The following OSBPL10 variants were observed in gnomAD, a reference collection of about 807,000 sequenced individuals.
The protein encoded by OSBPL10 is oxysterol binding protein like 10.
Under a neutral mutation model 81.7 loss-of-function variants are expected in OSBPL10, and 49 were observed. The observed-to-expected ratio is 0.60, with a 90% confidence interval of 0.48 to 0.76. OSBPL10 has a LOEUF of 0.76. Among genes scored for constraint, OSBPL10 ranks in the 30% least tolerant of loss-of-function variants. The pLI is 0.00. For missense variants in OSBPL10, 923 were observed against 987.8 expected (o/e 0.93, Z 0.88); for synonymous variants, 419 against 383.6 (o/e 1.09, Z -1.08).
chr3:31,678,781 A>C (rs930288339), intron 8 of OSBPL10, among the ~76,000 whole-genome samples: 1 of 99,212 alleles, frequency 1.0e-5, no homozygotes, highest in African/African-American at 4.2e-5. Context: ...ACAGATTCAA[A>C]CTGTGTGTGT....
At chr3:31,700,770 A>G (rs527321283) in intron 7 of OSBPL10, among the ~76,000 whole-genome samples, 1 of 152,354 alleles carries the variant, frequency 6.6e-6, no homozygotes, top group East Asian at 1.9e-4. Context: ...ATCCACAAGA[A>G]TAAAACATGG....
intron 2 of OSBPL10, among the ~76,000 whole-genome samples, chr3:31,878,975 A>C (rs190532490): frequency 3.3e-4 from 51 of 152,258 alleles, no homozygotes; most frequent in Admixed American, 2.0e-3. Context: ...ATCAAATTAC[A>C]CTGCAATTTT....
intron 3 of OSBPL10, among the ~76,000 whole-genome samples, chr3:31,831,127 C>T (rs967389175): frequency 3.9e-5 from 6 of 152,162 alleles, no homozygotes; most frequent in Non-Finnish European, 8.8e-5. Flanking sequence ...AAAAGCTTAG[C>T]CGGGTGCGGT....
At chr3:31,825,832 G>A (rs930269834) in intron 4 of OSBPL10, among the ~76,000 whole-genome samples, 4 of 151,984 alleles carry the variant, frequency 2.6e-5, no homozygotes, top group Non-Finnish European at 5.9e-5. Context: ...AAAATTCTGG[G>A]AACCACTGTC....
At chr3:31,989,139 T>C in intron 2 of OSBPL10, 1 of 1,614,176 alleles carries the variant, frequency 6.2e-7, no homozygotes, top group East Asian at 2.2e-5. Context: ...TGGCTCTTCC[T>C]CAGGGACACT....
intron 8 of OSBPL10, among the ~76,000 whole-genome samples, chr3:31,676,822 T>C (rs1700489214): frequency 6.6e-6 from 1 of 152,130 alleles, no homozygotes. Context: ...GGTGCGAGGT[T>C]GGGAGGGGTG....
At chr3:32,052,821 A>T (rs1366281995) in intron 1 of OSBPL10, among the ~76,000 whole-genome samples, 1 of 152,126 alleles carries the variant, frequency 6.6e-6, no homozygotes, top group Non-Finnish European at 1.5e-5. Context: ...GGGCAAGGGG[A>T]GGGAGAGAAT....
At chr3:31,929,369 T>C (rs1697169668) in intron 1 of OSBPL10, among the ~76,000 whole-genome samples, 1 of 152,140 alleles carries the variant, frequency 6.6e-6, no homozygotes, top group Non-Finnish European at 1.5e-5. Context: ...AATTAACATG[T>C]AAAATATGTG....
intron 7 of OSBPL10, among the ~76,000 whole-genome samples, chr3:31,692,745 C>T (rs1663202334): frequency 6.6e-6 from 1 of 152,182 alleles, no homozygotes; most frequent in South Asian, 2.1e-4. Context: ...ACAACTATTC[C>T]ATTTTACAGA....
At chr3:31,704,800 G>A (rs1217226452) in intron 6 of OSBPL10, 3 of 152,084 alleles carry the variant, frequency 2.0e-5, no homozygotes, top group African/African-American at 7.3e-5. Context: ...GACCTTCGGG[G>A]ACCACACCTC....
At chr3:31,963,901 G>C (rs187563902) in intron 1 of OSBPL10, among the ~76,000 whole-genome samples, 1 of 151,702 alleles carries the variant, frequency 6.6e-6, no homozygotes, top group African/African-American at 2.4e-5. Flanking sequence ...AGCCTCCCGA[G>C]TAGCTGGGAC....
intron 2 of OSBPL10, among the ~76,000 whole-genome samples, chr3:32,032,088 C>A (rs914257564): frequency 6.6e-6 from 1 of 152,022 alleles, no homozygotes; most frequent in Non-Finnish European, 1.5e-5. Flanking sequence ...GAGTTTGAGA[C>A]CAACCTGGGC....
chr3:31,921,768 T>C (rs1261960915), intron 1 of OSBPL10, among the ~76,000 whole-genome samples: 1 of 152,126 alleles, frequency 6.6e-6, no homozygotes, highest in Non-Finnish European at 1.5e-5. Context: ...GAGCACAGTA[T>C]GAAAAGGACA....
At chr3:31,899,381 A>G (rs1431765570) in intron 1 of OSBPL10, among the ~76,000 whole-genome samples, 11 of 151,352 alleles carry the variant, frequency 7.3e-5, no homozygotes, top group Non-Finnish European at 1.2e-4. Context: ...ATATCCTCCA[A>G]AAATACAAGA....
intron 6 of OSBPL10, among the ~76,000 whole-genome samples, chr3:31,726,442 A>C (rs1246072713): frequency 6.6e-6 from 1 of 151,804 alleles, no homozygotes; most frequent in East Asian, 1.9e-4. Context: ...TCAGCCTCCC[A>C]AGTAGCTGGG....
At chr3:31,879,156 A>G (rs1701556927) in intron 2 of OSBPL10, among the ~76,000 whole-genome samples, 4 of 152,174 alleles carry the variant, frequency 2.6e-5, no homozygotes, top group Admixed American at 2.6e-4. Flanking sequence ...AAGAAAGCAT[A>G]CAAAGGGACA....
chr3:32,002,074 C>T (rs1699154738), intron 2 of OSBPL10, among the ~76,000 whole-genome samples: 1 of 152,154 alleles, frequency 6.6e-6, no homozygotes, highest in Non-Finnish European at 1.5e-5. Context: ...GTTTAAACTG[C>T]CCAGGTTGGC....
chr3:31,868,459 G>A (rs996252026), intron 3 of OSBPL10, among the ~76,000 whole-genome samples: 2 of 152,070 alleles, frequency 1.3e-5, no homozygotes, highest in African/African-American at 4.8e-5. Context: ...TGTCTAGGTG[G>A]CTGCCAAGCG....
At chr3:32,075,471 T>C (rs1222944561) in intron 1 of OSBPL10, among the ~76,000 whole-genome samples, 1 of 152,184 alleles carries the variant, frequency 6.6e-6, no homozygotes, top group African/African-American at 2.4e-5. Flanking sequence ...TCTCCTTCTT[T>C]TATTCAGACC....
Sources: gnomAD v4.1 joint callset for allele counts (sites outside exome capture counted in the v4.1 genomes callset) on GRCh38, gnomAD v4.1.1 for gene constraint, MANE v1.5 for transcripts, NCBI Gene and HGNC (gene_info 2026-07-23, HGNC 2026-07-21) for gene names.